The following KCNU1 variants were observed in gnomAD, a reference collection of about 807,000 sequenced individuals.
KCNU1 encodes potassium calcium-activated channel subfamily U member 1, also known as potassium channel subfamily U member 1.
Under a neutral mutation model 126.8 loss-of-function variants are expected in KCNU1, and 93 were observed. That is an observed-to-expected ratio of 0.73 (90% CI 0.62 to 0.87). The LOEUF (loss-of-function observed/expected upper bound fraction) is 0.87, where lower values mean the gene tolerates loss of function less well. Ranked by LOEUF, KCNU1 falls within the 40% of genes least tolerant of loss-of-function variation. The probability of loss-of-function intolerance (pLI) is 0.00; values close to 1 mark genes in which losing one functional copy is unlikely to be tolerated. For missense variants in KCNU1, 1,330 were observed against 1,367.1 expected, an observed-to-expected ratio of 0.97 and a Z score of 0.43; for synonymous variants, 523 against 494.2, an observed-to-expected ratio of 1.06 and a Z score of -0.77.
rs188655053 is a variant in KCNU1, at chr8:36,910,867, A to G, written c.2332-63A>G. The G allele has an allele frequency of 2.1e-5, 25 of 1,194,376 alleles. 1 individual carries two copies. In the African/African-American group the frequency reaches 3.5e-4, roughly 17 times the overall value. The allele number at this position is 1,194,376 out of a possible 1,614,324, so 74.0% of individuals were successfully genotyped here. A position where few individuals can be genotyped will look rare whatever the true frequency, so the allele number is the denominator to read the frequency against. ...ACATCACTCACAAAGAGCCACCACC[A>G]TGAGCCATGATATAACATCCCTCCA... On this transcript the variant is annotated intron_variant, in intron 21 of 26. Coordinates refer to ENST00000399881, the MANE Select transcript of KCNU1 (RefSeq NM_001031836.3).
chr8:36,835,018 C>G, intron 12 of KCNU1, 150 bp downstream of exon 12: 1 of 578,316 alleles, frequency 1.7e-6, no homozygotes, highest in Non-Finnish European at 3.1e-6. Context: ...TTTTTGCCTG[C>G]TCCCCAAGAC....
chr8:36,829,650 TA>T (rs1205756650), intron 10 of KCNU1, among the ~76,000 whole-genome samples: 1 of 151,186 alleles, frequency 6.6e-6, no homozygotes, highest in African/African-American at 2.4e-5. Flanking sequence ...TCATGTATAT[TA>T]TTTTATTATG....
chr8:36,803,729 T>C (rs921774347), intron 2 of KCNU1, among the ~76,000 whole-genome samples: 2 of 152,174 alleles, frequency 1.3e-5, no homozygotes, highest in Non-Finnish European at 2.9e-5. Context: ...AGATCAAAGA[T>C]TAAAAGCCTC....
At chr8:36,792,999 A>G (rs1411461293) in intron 2 of KCNU1, among the ~76,000 whole-genome samples, 1 of 152,196 alleles carries the variant, frequency 6.6e-6, no homozygotes, top group East Asian at 1.9e-4. Context: ...TGTGGCACAT[A>G]TACATCATGG....
chr8:36,807,403 G>A lies in KCNU1; in HGVS notation c.609G>A (p.Leu203=). 6.2e-7 allele frequency: 1 copy of A among 1,613,462 alleles called. No homozygotes were observed. Among genetic ancestry groups the A allele is most frequent in the African/African-American group, 1.3e-5 (1 of 75,010 alleles). Residue 203 remains leucine, a synonymous_variant, in exon 6 of 27, where the codon CTG becomes CTA. Coordinates refer to ENST00000399881, the MANE Select transcript of KCNU1 (RefSeq NM_001031836.3). ...TAAGGTTCCTAAGAGCCTTGCGCCT[G>A]CTAGAACTCCCTCAAATCTTGCAAA... The part of the protein sequence containing the change: ...LGLRFLRALR[L]LELPQILQIL...
chr8:36,816,713 T>G (rs1353456053), intron 9 of KCNU1, among the ~76,000 whole-genome samples: 1 of 152,178 alleles, frequency 6.6e-6, no homozygotes, highest in Admixed American at 6.5e-5. Context: ...GGAAAATAGC[T>G]CCTTTAAATG....
rs762993910 is a variant in KCNU1, at chr8:36,815,684, A to G, written c.992A>G (p.Lys331Arg). The G allele has an allele frequency of 1.3e-6, 2 of 1,505,368 alleles. No homozygotes were observed. The highest frequency in any genetic ancestry group is 1.8e-6 in the Non-Finnish European group (2 of 1,092,800). 93.3% of individuals were successfully genotyped at this position (1,505,368 alleles called of 1,614,324 possible). A position where few individuals can be genotyped will look rare whatever the true frequency, so the allele number is the denominator to read the frequency against. ...YTSSYEALKGKKFIVVCGNIT... is the reference protein window; with the variant it reads ...YTSSYEALKGRKFIVVCGNIT... ...AGTTCCTATGAAGCACTCAAAGGAA[A>G]GAAGTAAGTAGTGTTTTAAGTATAA... The change falls in exon 9 of 27, where the codon AAG (lysine) becomes AGG (arginine). Residue 331 changes from lysine to arginine, a missense_variant. Physicochemically the swap from Lys to Arg is conservative, Grantham distance 26. This residue lies in a region of KCNU1 where 1,054 missense variants were observed against 1,053.9 expected (regional missense o/e 1.00). Coordinates refer to ENST00000399881, the MANE Select transcript of KCNU1 (RefSeq NM_001031836.3).
intron 22 of KCNU1, among the ~76,000 whole-genome samples, chr8:36,918,080 T>G (rs1808188159): frequency 1.3e-5 from 2 of 152,164 alleles, no homozygotes; most frequent in Admixed American, 1.3e-4. Context: ...ATTTGCAGTT[T>G]CCGAAAAATA....
intron 10 of KCNU1, among the ~76,000 whole-genome samples, chr8:36,825,861 T>C (rs578215807): frequency 6.6e-6 from 1 of 152,300 alleles, no homozygotes; most frequent in South Asian, 2.1e-4. Flanking sequence ...GAAATTTTAT[T>C]CCACTTACTT....
intron 15 of KCNU1, 147 bp downstream of exon 15, chr8:36,840,722 C>T: frequency 1.5e-6 from 1 of 683,824 alleles, no homozygotes. Context: ...TAGAAGTTTA[C>T]AGTTGGGATG....
intron 15 of KCNU1, 69 bp from the exon 16 acceptor site, chr8:36,840,863 C>A: frequency 9.4e-7 from 1 of 1,058,774 alleles, no homozygotes; most frequent in Non-Finnish European, 1.5e-6. Flanking sequence ...GCACAGAGCA[C>A]AGAGTGTTAG....
At chr8:36,860,141 G>A (rs964283029) in intron 18 of KCNU1, among the ~76,000 whole-genome samples, 2 of 151,976 alleles carry the variant, frequency 1.3e-5, no homozygotes, top group African/African-American at 4.8e-5. Context: ...GCAGTGGTGC[G>A]ATCTCAGCTC....
intron 6 of KCNU1, 84 bp downstream of exon 6, chr8:36,807,534 A>G: frequency 2.1e-6 from 2 of 961,710 alleles, no homozygotes; most frequent in Non-Finnish European, 3.3e-6. Flanking sequence ...AACTCAATGC[A>G]TTTCTTATCA....
In KCNU1 at chr8:36,784,442, G is replaced by A; in HGVS notation, c.32G>A (p.Trp11Ter). 1 of 1,613,216 alleles carries A rather than the reference G, an allele frequency of 6.2e-7. No individual in the cohort carries two copies. Among genetic ancestry groups the A allele is most frequent in the Non-Finnish European group, 8.5e-7 (1 of 1,179,634 alleles). ...CAGACTAAGCTACGAAATGAAACTT[G>A]GGAAGACTTGCCAAAAATGTCCTGC... is the stretch of plus-strand genomic sequence containing the variant. MFQTKLRNET[W>*]EDLPKMSCTT... The change falls in exon 1 of 27, where the codon TGG becomes TAG. Residue 11 changes from tryptophan to a stop codon, truncating the protein, a stop_gained. Transcript: ENST00000399881. LOFTEE classifies it high-confidence loss of function.
intron 19 of KCNU1, chr8:36,888,692 A>G (rs373329832): frequency 5.1e-5 from 27 of 534,454 alleles, no homozygotes; most frequent in Middle Eastern, 3.2e-4. Context: ...TAGTGTTGAT[A>G]TTGTTACAAA....
intron 2 of KCNU1, among the ~76,000 whole-genome samples, chr8:36,791,827 A>T (rs1323568370): frequency 2.0e-5 from 3 of 152,178 alleles, no homozygotes; most frequent in Admixed American, 1.3e-4. Context: ...TGCATTGTTT[A>T]TGTGAAAATA....
intron 18 of KCNU1, among the ~76,000 whole-genome samples, chr8:36,848,614 A>T (rs1222689324): frequency 6.6e-6 from 1 of 150,976 alleles, no homozygotes; most frequent in Non-Finnish European, 1.5e-5. Context: ...GGGATTTTAA[A>T]CTCTCCTCCT....
chr8:36,824,248 T>C (rs1022673349), intron 10 of KCNU1, among the ~76,000 whole-genome samples: 9 of 152,304 alleles, frequency 5.9e-5, no homozygotes, highest in African/African-American at 2.2e-4. Flanking sequence ...AATAAAGTAG[T>C]GCCTCCTTAT....
At chr8:36,878,444 A>G (rs968073698) in intron 19 of KCNU1, among the ~76,000 whole-genome samples, 1 of 152,190 alleles carries the variant, frequency 6.6e-6, no homozygotes, top group Non-Finnish European at 1.5e-5. Context: ...AAAGCAGCAG[A>G]TGGTTGTCCC....
Sources: allele counts gnomAD v4.1 joint callset (sites outside exome capture counted in the v4.1 genomes callset), GRCh38; gene constraint gnomAD v4.1.1; regional missense constraint gnomAD v4.1.1; transcripts MANE v1.5; gene names NCBI Gene and HGNC (gene_info 2026-07-23, HGNC 2026-07-21).